AFAP1: variants seen among roughly 807,000 people sequenced by gnomAD.
AFAP1 encodes the protein actin filament associated protein 1.
In AFAP1, 75 loss-of-function variants were observed where a neutral mutation model predicts 93.9. That is an observed-to-expected ratio of 0.80 (90% CI 0.66 to 0.97). The LOEUF (loss-of-function observed/expected upper bound fraction) is 0.97, where lower values mean the gene tolerates loss of function less well. Ranked by LOEUF, AFAP1 falls within the 50% of genes least tolerant of loss-of-function variation. The pLI, the probability that AFAP1 is intolerant of heterozygous loss-of-function variation, is 0.00. For missense variants in AFAP1, 1,201 were observed against 1,050.8 expected, an observed-to-expected ratio of 1.14 and a Z score of -1.98; for synonymous variants, 517 against 430.7, an observed-to-expected ratio of 1.20 and a Z score of -2.48.
intron 1 of AFAP1, among the ~76,000 whole-genome samples, chr4:7,920,277 A>C (rs940496247): frequency 6.6e-6 from 1 of 152,214 alleles, no homozygotes; most frequent in Non-Finnish European, 1.5e-5. Flanking sequence ...GAATTTGGCC[A>C]TTTTGAATTG....
At chr4:7,862,417 CCGGCGG>C (rs1248772712) in intron 3 of AFAP1, 1 of 64,820 alleles carries the variant, frequency 1.5e-5, no homozygotes, top group East Asian at 3.3e-4. Context: ...GGGGGGGGCG[CCGGCGG>C]CGGGAGAATG....
intron 3 of AFAP1, among the ~76,000 whole-genome samples, chr4:7,861,238 T>C (rs753337909): frequency 2.5e-4 from 38 of 152,218 alleles, no homozygotes; most frequent in Non-Finnish European, 3.1e-4. Context: ...CTATCACATA[T>C]TGGCGAAACC....
chr4:7,910,307 A>G (rs1432826807), intron 1 of AFAP1, among the ~76,000 whole-genome samples: 1 of 152,160 alleles, frequency 6.6e-6, no homozygotes, highest in Non-Finnish European at 1.5e-5. Context: ...TTCCAGTCCT[A>G]GCCCTGCTAC....
intron 6 of AFAP1, among the ~76,000 whole-genome samples, chr4:7,834,126 C>CAT (rs1424856992): frequency 7.7e-6 from 1 of 130,264 alleles, no homozygotes; most frequent in African/African-American, 3.3e-5. Context: ...CACACACACA[C>CAT]ACATATATAC....
At chr4:7,838,177 T>C (rs1344242630) in intron 6 of AFAP1, among the ~76,000 whole-genome samples, 3 of 152,098 alleles carry the variant, frequency 2.0e-5, no homozygotes, top group Non-Finnish European at 2.9e-5. Flanking sequence ...CTTAGAAAGA[T>C]AAAAATCCAC....
rs952643924 is a variant in AFAP1 at position 7,868,570 on chromosome 4, G to A, written c.225+52C>T. On this transcript the variant is annotated intron_variant, in intron 3 of 17. Coordinates refer to ENST00000420658, the MANE Select transcript of AFAP1 (RefSeq NM_001134647.2). ...CATCACAGGCCCCTGGAGCCCGTAAGTACCCCCAGGCCTCCAGCGATGACC... is the reference window on the plus strand; with the variant it reads ...CATCACAGGCCCCTGGAGCCCGTAAATACCCCCAGGCCTCCAGCGATGACC... 2.6e-6 allele frequency: 4 copies of A among 1,542,994 alleles called. No individual in the cohort carries two copies. In the African/African-American group the frequency reaches 4.1e-5, roughly 16 times the overall value.
chr4:7,778,894 T>A lies in AFAP1; in HGVS notation c.1783-18A>T. ...CCCTTGAGCTGTTGAAATAAACATA[T>A]AAGAACATTAAAAATAAACACAAAG... is the stretch of plus-strand genomic sequence containing the variant. On this transcript the variant is annotated intron_variant, in intron 13 of 17. Transcript: ENST00000420658. The A allele has an allele frequency of 6.6e-7, 1 of 1,512,810 alleles. No homozygotes were observed. Among genetic ancestry groups the A allele is most frequent in the African/African-American group, 1.4e-5 (1 of 71,852 alleles). 93.7% of individuals were successfully genotyped at this position (1,512,810 alleles called of 1,614,324 possible).
intron 9 of AFAP1, among the ~76,000 whole-genome samples, chr4:7,807,545 G>A (rs933470020): frequency 6.6e-6 from 1 of 152,212 alleles, no homozygotes; most frequent in Non-Finnish European, 1.5e-5. Context: ...GCCTGCTTCT[G>A]TGACTCAACT....
Position 7,843,308 on chromosome 4 carries a change from T to C in AFAP1, c.377A>G (p.Asp126Gly). ...CCCCTTCCCATCCTCCTCCTCTTCA[T>C]CATACGACTCATAAGAGCTGCTCAT... ...DAMSSSYESY[D>G]EEEEDGKGKK... Residue 126 changes from aspartate to glycine, a missense_variant, in exon 5 of 18, where the codon GAT becomes GGT. Coordinates refer to ENST00000420658, the MANE Select transcript of AFAP1 (RefSeq NM_001134647.2). 3 of 1,614,058 alleles carry C rather than the reference T, an allele frequency of 1.9e-6. No homozygotes were observed. Among genetic ancestry groups the C allele is most frequent in the South Asian group, 2.2e-5 (2 of 91,058 alleles).
At chr4:7,932,325 G>A (rs1721118734) in intron 1 of AFAP1, among the ~76,000 whole-genome samples, 1 of 152,154 alleles carries the variant, frequency 6.6e-6, no homozygotes, top group Non-Finnish European at 1.5e-5. Context: ...CTTGACCACA[G>A]GATGCACCTA....
intron 1 of AFAP1, among the ~76,000 whole-genome samples, chr4:7,882,222 A>G (rs1717891996): frequency 6.6e-6 from 1 of 152,176 alleles, no homozygotes; most frequent in African/African-American, 2.4e-5. Context: ...AATTCATTTC[A>G]TAAGAAATTT....
At chr4:7,933,569 T>C (rs113156302) in intron 1 of AFAP1, among the ~76,000 whole-genome samples, 3,758 of 152,038 alleles carry the variant, frequency 0.025, 149 homozygotes, top group African/African-American at 0.084. Flanking sequence ...CGAGACTCCG[T>C]CTCAAAAAAA....
chr4:7,935,757 A>G (rs1279157206), intron 1 of AFAP1, among the ~76,000 whole-genome samples: 1 of 152,200 alleles, frequency 6.6e-6, no homozygotes, highest in Non-Finnish European at 1.5e-5. Context: ...GATAGAGCGA[A>G]TTAAGTTCCC....
At position 7,763,301 on chromosome 4, in the gene AFAP1, G is replaced by A. The variant is rs1455448472; in HGVS notation, c.*464C>T. ...ACTGCGTATGCCCCTGGCCCTCCTG[G>A]TGGGCGTGCAAGGCGAGCCCAGTGC... On this transcript the variant is annotated 3_prime_UTR_variant, in exon 18 of 18. Transcript: ENST00000420658. 1 of 174,120 alleles carries A rather than the reference G, an allele frequency of 5.7e-6. No homozygotes were observed. The highest frequency in any genetic ancestry group is 2.4e-5 in the African/African-American group (1 of 41,674). 10.8% of individuals were successfully genotyped at this position (174,120 alleles called of 1,614,324 possible).
chr4:7,890,466 A>C (rs573921551), intron 1 of AFAP1, among the ~76,000 whole-genome samples: 1 of 152,366 alleles, frequency 6.6e-6, no homozygotes, highest in African/African-American at 2.4e-5. Context: ...CTCTGGAGAT[A>C]GGCTGAGATT....
intron 9 of AFAP1, among the ~76,000 whole-genome samples, chr4:7,802,875 T>A (rs1719185112): frequency 6.6e-6 from 1 of 152,142 alleles, no homozygotes; most frequent in South Asian, 2.1e-4. Flanking sequence ...GGTCTCGATC[T>A]CCTGACCTTG....
chr4:7,905,350 T>C lies in AFAP1; in HGVS notation c.-2-33270A>G, dbSNP rs7658385. Reference sequence around the variant, plus strand: ...AGACCATCCCATAAAATTAGTGTTATACTTCTCAAAAAGGAAGTGTGACTT... The same window carrying C: ...AGACCATCCCATAAAATTAGTGTTACACTTCTCAAAAAGGAAGTGTGACTT... On this transcript the variant is annotated intron_variant, in intron 1 of 17. Coordinates refer to ENST00000420658, the MANE Select transcript of AFAP1 (RefSeq NM_001134647.2). Among the ~76,000 whole-genome samples the C allele has an allele frequency of 9.7e-4, 148 of 152,376 alleles. 1 individual carries two copies. In the South Asian group the frequency reaches 0.014, roughly 14 times the overall value.
chr4:7,840,005 A>T (rs1483943233), intron 5 of AFAP1, among the ~76,000 whole-genome samples: 1 of 152,176 alleles, frequency 6.6e-6, no homozygotes, highest in East Asian at 1.9e-4. Context: ...ACATCATATG[A>T]GGCATTTCAA....
intron 6 of AFAP1, among the ~76,000 whole-genome samples, chr4:7,838,145 T>A (rs957014930): frequency 6.6e-6 from 1 of 152,064 alleles, no homozygotes; most frequent in Non-Finnish European, 1.5e-5. Flanking sequence ...TTTAAGAAAA[T>A]GGCTGAAAAA....
Sources: gnomAD v4.1 joint callset for allele counts (sites outside exome capture counted in the v4.1 genomes callset) on GRCh38, gnomAD v4.1.1 for gene constraint, MANE v1.5 for transcripts, NCBI Gene and HGNC (gene_info 2026-07-23, HGNC 2026-07-21) for gene names.